Variants in USP16 observed in about 807,000 individuals in gnomAD.
The protein encoded by USP16 is ubiquitin specific peptidase 16, also known as ubiquitin carboxyl-terminal hydrolase 16.
A neutral mutation model predicts 95.9 loss-of-function variants in USP16; 77 were observed. That is an observed-to-expected ratio of 0.80 (90% CI 0.67 to 0.97). USP16 has a LOEUF of 0.97. Among genes scored for constraint, USP16 ranks in the 50% least tolerant of loss-of-function variants. The pLI is 0.00. For missense variants in USP16, 943 were observed against 959.9 expected, an observed-to-expected ratio of 0.98 and a Z score of 0.23; for synonymous variants, 303 against 318.2, an observed-to-expected ratio of 0.95 and a Z score of 0.51.
chr21:29,034,705 C>T lies in USP16; in HGVS notation c.241-132C>T, dbSNP rs1038932638. 4 of 787,278 alleles carry T rather than the reference C, an allele frequency of 5.1e-6. No individual in the cohort carries two copies. In the African/African-American group the frequency reaches 6.9e-5, roughly 14 times the overall value. The allele number at this position is 787,278 out of a possible 1,614,324, so 48.8% of individuals were successfully genotyped here. A position where few individuals can be genotyped will look rare whatever the true frequency, so the allele number is the denominator to read the frequency against. ...TTTAACAAAATATTGATTCTAGAGT[C>T]TAACATTTTCTTTTCAAGATTGTAA... On this transcript the variant is annotated intron_variant, in intron 3 of 17. Coordinates refer to ENST00000399976, the MANE Select transcript of USP16 (RefSeq NM_006447.3).
intron 1 of USP16, 74 bp downstream of exon 1, chr21:29,024,851 C>T (rs1286819606): frequency 8.2e-7 from 1 of 1,215,314 alleles, no homozygotes; most frequent in Non-Finnish European, 1.1e-6. Context: ...CTGTTTTCCG[C>T]CCCAACTTCG....
chr21:29,050,077 A>T lies in USP16; in HGVS notation c.2107-15A>T. ...TTCCAAGAAAAGAAGTCAATCTGTT[A>T]TGCTTCTCTTTTAGGCTGGTTTTAA... On this transcript the variant is annotated splice_polypyrimidine_tract_variant and intron_variant, in intron 15 of 17. Coordinates refer to ENST00000399976, the MANE Select transcript of USP16 (RefSeq NM_006447.3). The T allele has an allele frequency of 6.2e-7, 1 of 1,607,324 alleles. No homozygotes were observed. Among genetic ancestry groups the T allele is most frequent in the Non-Finnish European group, 8.5e-7 (1 of 1,177,402 alleles).
intron 6 of USP16, among the ~76,000 whole-genome samples, chr21:29,037,856 G>A (rs2085185275): frequency 6.8e-6 from 1 of 146,062 alleles, no homozygotes; most frequent in Non-Finnish European, 1.5e-5. Context: ...AAAGTGTTTG[G>A]ATTACAGGCG....
chr21:29,048,289 G>T (rs1446879077), intron 14 of USP16, among the ~76,000 whole-genome samples: 1 of 151,992 alleles, frequency 6.6e-6, no homozygotes, highest in Non-Finnish European at 1.5e-5. Context: ...CGCCACGTTG[G>T]CCAGGGTGGT....
At chr21:29,038,646 G>A (rs1414681986) in intron 7 of USP16, among the ~76,000 whole-genome samples, 2 of 152,142 alleles carry the variant, frequency 1.3e-5, no homozygotes, top group Non-Finnish European at 2.9e-5. Context: ...CGAGTGTTAA[G>A]CTTCCTTCTT....
At chr21:29,044,332 G>T (rs2085290135) in intron 13 of USP16, among the ~76,000 whole-genome samples, 1 of 151,892 alleles carries the variant, frequency 6.6e-6, no homozygotes, top group African/African-American at 2.4e-5. Flanking sequence ...ATACAAATAT[G>T]CAGTCTTGGT....
chr21:29,037,796 G>A (rs1157471963), intron 6 of USP16, among the ~76,000 whole-genome samples: 4 of 152,022 alleles, frequency 2.6e-5, no homozygotes, highest in Non-Finnish European at 4.4e-5. Context: ...ATGTTGCCTA[G>A]GCTAGTCTTG....
At position 29,042,388 on chromosome 21, in the gene USP16, C is replaced by T. The variant is rs2146383697; in HGVS notation, c.1123-84C>T. ...TTTATTTTAAAACCCATCCCCTACT[C>T]CCCATCCCACAGGGCAGGGAGGATC... is the stretch of plus-strand genomic sequence containing the variant. On this transcript the variant is annotated intron_variant, in intron 11 of 17. Transcript: ENST00000399976. 1.5e-6 allele frequency: 2 copies of T among 1,329,082 alleles called. 1 individual carries two copies. Among genetic ancestry groups the T allele is most frequent in the South Asian group, 2.6e-5 (2 of 75,840 alleles). 82.3% of individuals were successfully genotyped at this position (1,329,082 alleles called of 1,614,324 possible). A position where few individuals can be genotyped will look rare whatever the true frequency, so the allele number is the denominator to read the frequency against.
At chr21:29,036,119 CAT>C in intron 4 of USP16, 150 bp from the exon 5 acceptor site, 1 of 609,286 alleles carries the variant, frequency 1.6e-6, no homozygotes, top group Non-Finnish European at 2.9e-6. Context: ...AGTTAATATG[CAT>C]AGTCTTCTTC....
chr21:29,030,799 T>A, intron 3 of USP16, 26 bp downstream of exon 3: 1 of 1,576,976 alleles, frequency 6.3e-7, no homozygotes, highest in Non-Finnish European at 8.6e-7. Flanking sequence ...AAGATCAATA[T>A]GGGATTTTAG....
chr21:29,039,089 A>T lies in USP16; in HGVS notation c.796A>T (p.Asn266Tyr), dbSNP rs369464271. ...PLTLAMSQFL[N>Y]EMQETKKGVV... ...TACTTTAGCCATGAGCCAGTTTCTT[A>T]ATGAGATGCAAGAGACCAAAAAGGG... The change falls in exon 8 of 18, where the codon AAT becomes TAT. Residue 266 changes from asparagine to tyrosine, a missense_variant. Transcript: ENST00000399976. 3.2e-5 allele frequency: 51 copies of T among 1,593,726 alleles called. No homozygotes were observed. Among genetic ancestry groups the T allele is most frequent in the Non-Finnish European group, 4.2e-5 (49 of 1,168,570 alleles).
In USP16 at chr21:29,037,420, T is replaced by C; in HGVS notation, c.593T>C (p.Leu198Pro). Residue 198 changes from leucine to proline, a missense_variant, in exon 6 of 18, where the codon CTC becomes CCC. Leu to Pro is a moderately conservative substitution (Grantham distance 98, BLOSUM62 -3). Transcript: ENST00000399976. The part of the protein sequence containing the change: ...NSPCQITVKG[L>P]SNLGNTCFFN... ...CCTTGCCAAATAACCGTGAAAGGAC[T>C]CAGTAATTTGGGAAACACATGTTTC... The C allele has an allele frequency of 5.6e-6, 9 of 1,601,954 alleles. No homozygotes were observed. The highest frequency in any genetic ancestry group is 7.7e-6 in the Non-Finnish European group (9 of 1,176,364).
chr21:29,053,791 C>A lies in USP16; in HGVS notation c.2194-11C>A, dbSNP rs1303668392. On this transcript the variant is annotated splice_polypyrimidine_tract_variant and intron_variant, in intron 16 of 17. Coordinates refer to ENST00000399976, the MANE Select transcript of USP16 (RefSeq NM_006447.3). ...CTAGAACTAACTTTTGGATTCTACTCATTTTTAAAGAATGTTGCAGAAGAA... is the reference window on the plus strand; with the variant it reads ...CTAGAACTAACTTTTGGATTCTACTAATTTTTAAAGAATGTTGCAGAAGAA... 3 of 1,609,414 alleles carry A rather than the reference C, an allele frequency of 1.9e-6. No homozygotes were observed. The highest frequency in any genetic ancestry group is 2.5e-6 in the Non-Finnish European group (3 of 1,178,530).
intron 3 of USP16, among the ~76,000 whole-genome samples, chr21:29,031,030 C>T (rs1253967752): frequency 6.6e-6 from 1 of 152,138 alleles, no homozygotes; most frequent in Non-Finnish European, 1.5e-5. Flanking sequence ...TCAGCCAATC[C>T]CACAGTGATC....
rs2085394272 is a variant in USP16 at position 29,050,236 on chromosome 21, A to G, written c.2193+58A>G. On this transcript the variant is annotated intron_variant, in intron 16 of 17. Coordinates refer to ENST00000399976, the MANE Select transcript of USP16 (RefSeq NM_006447.3). ...TTTAAAGTCAAATTGTGGCTTACCT[A>G]ATGCTCCAGTAGCAACTCACTTAAG... is the stretch of plus-strand genomic sequence containing the variant. 5 of 1,492,776 alleles carry G rather than the reference A, an allele frequency of 3.3e-6. No homozygotes were observed. In the Admixed American group the frequency reaches 7.0e-5, roughly 21 times the overall value. 92.5% of individuals were successfully genotyped at this position (1,492,776 alleles called of 1,614,324 possible). A position where few individuals can be genotyped will look rare whatever the true frequency, so the allele number is the denominator to read the frequency against.
chr21:29,047,401 G>T (rs1336278651), intron 14 of USP16, 80 bp downstream of exon 14: 1 of 1,417,234 alleles, frequency 7.1e-7, no homozygotes, highest in South Asian at 1.4e-5. Flanking sequence ...ACTCCTAATT[G>T]TATCAGGATT....
rs570399715 is a variant in USP16, at chr21:29,047,286, G to A, written c.1976G>A (p.Arg659Gln). 24 of 1,613,544 alleles carry A rather than the reference G, an allele frequency of 1.5e-5. No homozygotes were observed. Among genetic ancestry groups the A allele is most frequent in the East Asian group, 4.5e-5 (2 of 44,868 alleles). ...AAACTGCTTTGTGAAGTATGCACAC[G>A]GAGACAGTGTAATGGACCAAAGGCA... is the stretch of plus-strand genomic sequence containing the variant. ...ANKLLCEVCT[R>Q]RQCNGPKANI... The change falls in exon 14 of 18, where the codon CGG (arginine) becomes CAG (glutamine). Residue 659 changes from arginine to glutamine, a missense_variant. Transcript: ENST00000399976.
At chr21:29,034,969 T>G in intron 4 of USP16, 29 bp downstream of exon 4, 1 of 1,577,426 alleles carries the variant, frequency 6.3e-7, no homozygotes, top group Non-Finnish European at 8.7e-7. Context: ...GCCTCTTGGG[T>G]GGAAATTATT....
chr21:29,053,088 G>A (rs2085440803), intron 16 of USP16: 1 of 152,244 alleles, frequency 6.6e-6, no homozygotes, highest in Middle Eastern at 3.2e-3. Context: ...AGTCCTGTGA[G>A]AATCATAGAT....
Sources: gnomAD v4.1 joint callset for allele counts (sites outside exome capture counted in the v4.1 genomes callset) on GRCh38, gnomAD v4.1.1 for gene constraint, MANE v1.5 for transcripts, NCBI Gene and HGNC (gene_info 2026-07-23, HGNC 2026-07-21) for gene names.